The following CYP39A1 variants were observed in gnomAD, a reference collection of about 807,000 sequenced individuals.
CYP39A1 encodes 24-hydroxycholesterol 7-alpha-hydroxylase.
In CYP39A1, 49 loss-of-function variants were observed where a neutral mutation model predicts 58.1. The ratio of observed to expected loss-of-function variants is 0.84; its 90% CI spans 0.67 to 1.07. The LOEUF (loss-of-function observed/expected upper bound fraction) is 1.07, where lower values mean the gene tolerates loss of function less well. Ranked by LOEUF, CYP39A1 falls within the 50% of genes least tolerant of loss-of-function variation. The pLI is 0.00. For synonymous variants in CYP39A1, 209 were observed against 187.6 expected (o/e 1.11, Z -0.93); for missense variants, 531 against 539.4 (o/e 0.98, Z 0.16).
At chr6:46,593,014 A>C (rs1446397227) in intron 8 of CYP39A1, among the ~76,000 whole-genome samples, 1 of 152,142 alleles carries the variant, frequency 6.6e-6, no homozygotes, top group African/African-American at 2.4e-5. Flanking sequence ...AAAACTACTA[A>C]ATATTTATGC....
rs3085603 is a variant in CYP39A1, at chr6:46,650,111, T to TACACACAC, written c.177+2287_177+2294dup. 3.5e-3 allele frequency among the ~76,000 whole-genome samples: 509 copies of TACACACAC among 147,034 alleles called. 3 individuals carry two copies. Among genetic ancestry groups the TACACACAC allele is most frequent in the African/African-American group, 0.012 (476 of 39,970 alleles). ...TGGATGTTAAGACAATTACTACATT[T>TACACACAC]ACACACACACACACACACACACACA... On this transcript the variant is annotated intron_variant, in intron 1 of 11. Transcript: ENST00000275016.
At position 46,625,415 on chromosome 6, in the gene CYP39A1, T is replaced by C; in HGVS notation, c.931+3A>G. The C allele has an allele frequency of 1.2e-6, 2 of 1,602,722 alleles. No homozygotes were observed. Among genetic ancestry groups the C allele is most frequent in the Non-Finnish European group, 1.7e-6 (2 of 1,172,968 alleles). ...TGTCTTCCTATATAATAAGGTTTAG[T>C]ACCTGCTTTGCCAAACACAGAAGAT... On this transcript the variant is annotated splice_donor_region_variant and intron_variant, in intron 7 of 11. Transcript: ENST00000275016.
chr6:46,553,053 A>T (rs924329597), intron 11 of CYP39A1, among the ~76,000 whole-genome samples: 12 of 149,754 alleles, frequency 8.0e-5, no homozygotes, highest in African/African-American at 2.7e-4. Context: ...TCAAAAACAA[A>T]TAAAAAACAA....
At chr6:46,640,911 A>G (rs1345045764) in intron 2 of CYP39A1, among the ~76,000 whole-genome samples, 1 of 152,070 alleles carries the variant, frequency 6.6e-6, no homozygotes, top group Non-Finnish European at 1.5e-5. Context: ...AATGAAAAAC[A>G]GTTTTTAGAT....
At chr6:46,644,113 A>G (rs989394566) in intron 1 of CYP39A1, among the ~76,000 whole-genome samples, 9 of 152,160 alleles carry the variant, frequency 5.9e-5, no homozygotes, top group Non-Finnish European at 1.0e-4. Flanking sequence ...GCCCTTTTAT[A>G]GCCAGCCCCC....
At chr6:46,606,367 C>T (rs1158539087) in intron 7 of CYP39A1, among the ~76,000 whole-genome samples, 1 of 152,064 alleles carries the variant, frequency 6.6e-6, no homozygotes, top group Non-Finnish European at 1.5e-5. Flanking sequence ...AAAGGAAATA[C>T]ACTAAGTTTT....
intron 1 of CYP39A1, among the ~76,000 whole-genome samples, chr6:46,648,585 G>A (rs566883979): frequency 6.6e-6 from 1 of 151,500 alleles, no homozygotes; most frequent in South Asian, 2.1e-4. Flanking sequence ...GAGTTACTGG[G>A]TTCAGCACAC....
Position 46,637,926 on chromosome 6 carries a change from A to G in CYP39A1, c.541T>C (p.Ser181Pro), listed in dbSNP as rs755713016. 18 of 1,613,036 alleles carry G rather than the reference A, an allele frequency of 1.1e-5. No individual in the cohort carries two copies. In the African/African-American group the frequency reaches 2.0e-4, roughly 18 times the overall value. Residue 181 changes from serine (S) to proline (P), a missense_variant, in exon 4 of 12, where the codon TCC (serine) becomes CCC (proline). By Grantham distance (74) the Ser-to-Pro change is moderately conservative (BLOSUM62 -1). Coordinates refer to ENST00000275016, the MANE Select transcript of CYP39A1 (RefSeq NM_016593.5). ...VNMLFNKSLF[S>P]TNKKKIKEFH... The stretch of plus-strand genomic sequence containing the variant: ...TCCTTGATTTTTTTCTTGTTTGTGG[A>G]AAACAAACTTTTATTAAAGAGCATA...
At chr6:46,642,770 G>C (rs370285900) in intron 1 of CYP39A1, among the ~76,000 whole-genome samples, 2 of 152,076 alleles carry the variant, frequency 1.3e-5, no homozygotes, top group African/African-American at 2.4e-5. Flanking sequence ...CACTTTCCTA[G>C]TTTTCAAAAT....
At chr6:46,593,162 T>C (rs1026943975) in intron 8 of CYP39A1, among the ~76,000 whole-genome samples, 1 of 152,158 alleles carries the variant, frequency 6.6e-6, no homozygotes, top group African/African-American at 2.4e-5. Context: ...TCTATATTAA[T>C]GTCATACAAA....
chr6:46,642,622 T>C (rs2150600060), intron 1 of CYP39A1, among the ~76,000 whole-genome samples: 1 of 152,324 alleles, frequency 6.6e-6, no homozygotes, highest in East Asian at 1.9e-4. Flanking sequence ...AACATTGTTT[T>C]CAAGATATTG....
chr6:46,630,467 C>T (rs1414777087), intron 6 of CYP39A1, among the ~76,000 whole-genome samples: 1 of 152,058 alleles, frequency 6.6e-6, no homozygotes, highest in Non-Finnish European at 1.5e-5. Flanking sequence ...TACATTATCT[C>T]TTATTAGGAA....
Position 46,564,144 on chromosome 6 carries a change from T to C in CYP39A1, c.1251-10290A>G, listed in dbSNP as rs965110452. On this transcript the variant is annotated intron_variant, in intron 10 of 11. Transcript: ENST00000275016. ...TATTTTATTCTATTTTATTCTATTC[T>C]ATTTTATTCTATTTTATTCTATTTT... 4.4e-4 allele frequency among the ~76,000 whole-genome samples: 43 copies of C among 98,362 alleles called. 2 individuals carry two copies. Among genetic ancestry groups the C allele is most frequent in the Admixed American group, 1.8e-3 (18 of 10,086 alleles). The allele number at this position is 98,362 out of a possible 152,430, so 64.5% of individuals were successfully genotyped here.
rs199637934 is a variant in CYP39A1 at position 46,652,612 on chromosome 6, A to G, written c.-30T>C. 2 of 1,559,500 alleles carry G rather than the reference A, an allele frequency of 1.3e-6. No homozygotes were observed. Among genetic ancestry groups the G allele is most frequent in the South Asian group, 1.2e-5 (1 of 81,444 alleles). On this transcript the variant is annotated 5_prime_UTR_variant, in exon 1 of 12. Coordinates refer to ENST00000275016, the MANE Select transcript of CYP39A1 (RefSeq NM_016593.5). ...TTGTCCAGCACCTTCCAGAAGCAGA[A>G]AAGTGTGAAACAGTCCTGCCGTCCC...
chr6:46,625,377 G>A, intron 7 of CYP39A1, 41 bp downstream of exon 7: 1 of 1,339,660 alleles, frequency 7.5e-7, no homozygotes, highest in Non-Finnish European at 1.0e-6. Context: ...TGACAAACAT[G>A]CATTATTAGC....
chr6:46,555,131 C>G (rs928168248), intron 10 of CYP39A1, among the ~76,000 whole-genome samples: 1 of 152,206 alleles, frequency 6.6e-6, no homozygotes, highest in Admixed American at 6.5e-5. Flanking sequence ...CTGCCCCTTA[C>G]CTATCTCTGC....
At chr6:46,615,872 T>G (rs575254486) in intron 7 of CYP39A1, among the ~76,000 whole-genome samples, 2 of 152,180 alleles carry the variant, frequency 1.3e-5, no homozygotes, top group African/African-American at 4.8e-5. Flanking sequence ...TCTGCTTGTC[T>G]AACTCTTAAC....
At chr6:46,597,052 G>C (rs773273933) in intron 7 of CYP39A1, among the ~76,000 whole-genome samples, 8 of 152,062 alleles carry the variant, frequency 5.3e-5, no homozygotes, top group Non-Finnish European at 8.8e-5. Context: ...CTTTGACTCT[G>C]GATGAGGCGT....
At chr6:46,635,101 C>T (rs1004869975) in intron 5 of CYP39A1, among the ~76,000 whole-genome samples, 5 of 152,160 alleles carry the variant, frequency 3.3e-5, no homozygotes, top group African/African-American at 9.7e-5. Flanking sequence ...AGGCCATCTT[C>T]CTTTCTAGTT....
Sources: allele counts gnomAD v4.1 joint callset (sites outside exome capture counted in the v4.1 genomes callset), GRCh38; gene constraint gnomAD v4.1.1; transcripts MANE v1.5; gene names NCBI Gene and HGNC (gene_info 2026-07-23, HGNC 2026-07-21).